PNLIPRP3: variants seen among roughly 807,000 people sequenced by gnomAD.
The protein encoded by PNLIPRP3 is pancreatic lipase-related protein 3.
In PNLIPRP3, 58 loss-of-function variants were observed where a neutral mutation model predicts 52.8. That is an observed-to-expected ratio of 1.10 (90% CI 0.89 to 1.37). The LOEUF is 1.37. Ranked by LOEUF, PNLIPRP3 falls within the 40% of genes most tolerant of loss-of-function variation. The pLI is 0.00. For synonymous variants in PNLIPRP3, 192 were observed against 185.0 expected, an observed-to-expected ratio of 1.04 and a Z score of -0.31; for missense variants, 593 against 561.6, an observed-to-expected ratio of 1.06 and a Z score of -0.57.
At chr10:116,433,779 A>G (rs1420158510) in intron 1 of PNLIPRP3, among the ~76,000 whole-genome samples, 1 of 151,838 alleles carries the variant, frequency 6.6e-6, no homozygotes, top group Non-Finnish European at 1.5e-5. Flanking sequence ...TTTAGCTTGG[A>G]TCCTGCAATG....
chr10:116,456,201 G>A (rs1846111241), intron 5 of PNLIPRP3, among the ~76,000 whole-genome samples: 1 of 152,182 alleles, frequency 6.6e-6, no homozygotes, highest in South Asian at 2.1e-4. Flanking sequence ...GAAGAAGAGA[G>A]GGGAGGCTAA....
intron 2 of PNLIPRP3, among the ~76,000 whole-genome samples, chr10:116,438,963 T>C (rs994785470): frequency 6.6e-6 from 1 of 152,196 alleles, no homozygotes; most frequent in African/African-American, 2.4e-5. Context: ...TCAAAACATT[T>C]TGCTAATAAG....
intron 1 of PNLIPRP3, among the ~76,000 whole-genome samples, chr10:116,430,286 G>A (rs960945625): frequency 6.6e-6 from 1 of 152,114 alleles, no homozygotes; most frequent in African/African-American, 2.4e-5. Context: ...CAAGAGGTTT[G>A]GTGGGCATGA....
At position 116,461,260 on chromosome 10, in the gene PNLIPRP3, C is replaced by T; in HGVS notation, c.778C>T (p.Leu260=). Residue 260 remains leucine, a synonymous_variant, in exon 7 of 12, where the codon CTG becomes TTG. Coordinates refer to ENST00000369230, the MANE Select transcript of PNLIPRP3 (RefSeq NM_001011709.3). ...ATGTGAAGACTTAATTACACCTTTA[C>T]TGAAATTTAACTTCAATGCTTACAA... ...PGCEDLITPL[L]KFNFNAYKKE... The T allele has an allele frequency of 6.2e-7, 1 of 1,613,244 alleles. No homozygotes were observed. Among genetic ancestry groups the T allele is most frequent in the Non-Finnish European group, 8.5e-7 (1 of 1,179,198 alleles).
chr10:116,430,483 G>C (rs1845695959), intron 1 of PNLIPRP3, among the ~76,000 whole-genome samples: 1 of 152,166 alleles, frequency 6.6e-6, no homozygotes, highest in South Asian at 2.1e-4. Context: ...AGCTGCACAG[G>C]TGTAGACAGG....
chr10:116,430,218 A>T (rs1845691437), intron 1 of PNLIPRP3, among the ~76,000 whole-genome samples: 1 of 152,160 alleles, frequency 6.6e-6, no homozygotes, highest in Non-Finnish European at 1.5e-5. Flanking sequence ...GGAGCTTGTA[A>T]AAGGTCTCTT....
At chr10:116,434,800 C>T (rs905491060) in intron 1 of PNLIPRP3, among the ~76,000 whole-genome samples, 1 of 152,070 alleles carries the variant, frequency 6.6e-6, no homozygotes, top group Non-Finnish European at 1.5e-5. Context: ...ACTATGAAGT[C>T]ACTGGTTCAA....
intron 2 of PNLIPRP3, among the ~76,000 whole-genome samples, chr10:116,438,458 T>C (rs1282359055): frequency 2.6e-5 from 4 of 152,210 alleles, no homozygotes; most frequent in Non-Finnish European, 5.9e-5. Context: ...CGTACAAATA[T>C]GGTCTGATTT....
chr10:116,465,898 C>A, intron 7 of PNLIPRP3, 152 bp from the exon 8 acceptor site: 2 of 658,806 alleles, frequency 3.0e-6, no homozygotes, highest in Non-Finnish European at 5.4e-6. Flanking sequence ...TTATATGTAA[C>A]TTTGATAAAT....
chr10:116,471,501 A>G (rs1382846135), intron 9 of PNLIPRP3, among the ~76,000 whole-genome samples: 1 of 152,220 alleles, frequency 6.6e-6, no homozygotes, highest in Non-Finnish European at 1.5e-5. Flanking sequence ...AAGTCATAAA[A>G]ATGCCTGGAA....
At chr10:116,431,908 TG>T (rs1408055308) in intron 1 of PNLIPRP3, among the ~76,000 whole-genome samples, 1 of 152,078 alleles carries the variant, frequency 6.6e-6, no homozygotes, top group Non-Finnish European at 1.5e-5. Flanking sequence ...GCATGCGGTT[TG>T]CTCCTCTCCC....
At position 116,448,504 on chromosome 10, in the gene PNLIPRP3, A is replaced by T. The variant is rs1480071889; in HGVS notation, c.456+3991A>T. ...ACAAAGGAAGACAACAAGAGAGGAA[A>T]AGAGGACCAAAGAACTATAAGACAG... On this transcript the variant is annotated intron_variant, in intron 4 of 11. Transcript: ENST00000369230. Among the ~76,000 whole-genome samples, 3 of 17,782 alleles carry T rather than the reference A, an allele frequency of 1.7e-4. No individual in the cohort carries two copies. The East Asian group carries it at 2.6e-3, about 15-fold the overall frequency. The allele number at this position is 17,782 out of a possible 152,430, so 11.7% of individuals were successfully genotyped here. A position where few individuals can be genotyped will look rare whatever the true frequency, so the allele number is the denominator to read the frequency against.
In PNLIPRP3 at chr10:116,469,379, A is replaced by G. The variant is rs1846331335; in HGVS notation, c.1060+62A>G. On this transcript the variant is annotated intron_variant, in intron 9 of 11. Transcript: ENST00000369230. ...AGGTACTTATCTTTAAAAATTCAAC[A>G]GTTTTTATTGAGTGTCTACTAAATA... The G allele has an allele frequency of 4.1e-6, 6 of 1,479,534 alleles. No homozygotes were observed. The South Asian group carries it at 5.5e-5, about 14-fold the overall frequency. The allele number at this position is 1,479,534 out of a possible 1,614,324, so 91.7% of individuals were successfully genotyped here.
intron 4 of PNLIPRP3, 38 bp downstream of exon 4, chr10:116,444,551 G>C (rs200991618): frequency 1.3e-6 from 2 of 1,579,042 alleles, no homozygotes; most frequent in Non-Finnish European, 1.7e-6. Context: ...ATATTGAATT[G>C]GTTTTGGATA....
rs1456760351 is a variant in PNLIPRP3, at chr10:116,461,201, A to T, written c.719A>T (p.Asp240Val). ...ACCATTGATGCTTGTGGTCATCTTGACTTTTACCCAAATGGAGGGAAGCAC... is the reference window on the plus strand; with the variant it reads ...ACCATTGATGCTTGTGGTCATCTTGTCTTTTACCCAAATGGAGGGAAGCAC... ...VGTIDACGHLDFYPNGGKHMP... is the reference protein window; with the variant it reads ...VGTIDACGHLVFYPNGGKHMP... Residue 240 changes from aspartate (D) to valine (V), a missense_variant, in exon 7 of 12, where the codon GAC becomes GTC. Coordinates refer to ENST00000369230, the MANE Select transcript of PNLIPRP3 (RefSeq NM_001011709.3). The T allele has an allele frequency of 6.2e-7, 1 of 1,614,118 alleles. No individual in the cohort carries two copies. The highest frequency in any genetic ancestry group is 8.5e-7 in the Non-Finnish European group (1 of 1,179,982).
intron 7 of PNLIPRP3, among the ~76,000 whole-genome samples, chr10:116,463,330 G>A (rs969843873): frequency 6.6e-6 from 1 of 152,178 alleles, no homozygotes. Flanking sequence ...GTTGGGGGCT[G>A]AGCTGGGCTA....
chr10:116,470,940 T>C (rs915934305), intron 9 of PNLIPRP3, among the ~76,000 whole-genome samples: 2 of 152,122 alleles, frequency 1.3e-5, no homozygotes, highest in Non-Finnish European at 2.9e-5. Flanking sequence ...CAACCCTTAG[T>C]GAGCTTGGCT....
Position 116,454,974 on chromosome 10 carries a change from T to C in PNLIPRP3, c.457-748T>C, listed in dbSNP as rs139071193. Among the ~76,000 whole-genome samples the C allele has an allele frequency of 7.4e-3, 1,134 of 152,322 alleles. 18 individuals are homozygous for C. Among genetic ancestry groups the C allele is most frequent in the African/African-American group, 0.026 (1,086 of 41,574 alleles). ...CAAGGCACCTCCATATTATTCTCCA[T>C]AGTGGCTATACCTATTTACGTTCCC... On this transcript the variant is annotated intron_variant, in intron 4 of 11. Transcript: ENST00000369230.
chr10:116,459,326 G>A (rs970308743), intron 5 of PNLIPRP3, among the ~76,000 whole-genome samples: 3 of 150,954 alleles, frequency 2.0e-5, no homozygotes, highest in African/African-American at 4.9e-5. Flanking sequence ...AGTGTGCTGA[G>A]CACACACCCC....
Sources: gnomAD v4.1 joint callset for allele counts (sites outside exome capture counted in the v4.1 genomes callset) on GRCh38, gnomAD v4.1.1 for gene constraint, MANE v1.5 for transcripts, NCBI Gene and HGNC (gene_info 2026-07-23, HGNC 2026-07-21) for gene names.